The following GABRB1 variants were observed in gnomAD, a reference collection of about 807,000 sequenced individuals.
The protein encoded by GABRB1 is gamma-aminobutyric acid type A receptor subunit beta1.
GABRB1 carries 17 observed loss-of-function variants against 51.6 expected under a neutral mutation model. The ratio of observed to expected loss-of-function variants is 0.33; its 90% CI spans 0.23 to 0.49. The LOEUF (loss-of-function observed/expected upper bound fraction) is 0.49. Ranked by LOEUF, GABRB1 falls within the 20% of genes least tolerant of loss-of-function variation. The probability of loss-of-function intolerance (pLI) is 0.99; values close to 1 mark genes in which losing one functional copy is unlikely to be tolerated. For synonymous variants in GABRB1, 247 were observed against 218.9 expected (o/e 1.13, Z -1.14); for missense variants, 410 against 600.6 (o/e 0.68, Z 3.32).
chr4:47,296,092 A>G (rs1226344513), intron 4 of GABRB1, among the ~76,000 whole-genome samples: 2 of 152,184 alleles, frequency 1.3e-5, no homozygotes, highest in African/African-American at 4.8e-5. Context: ...CTGCCCTAAA[A>G]GAGCTCCTGA....
intron 5 of GABRB1, among the ~76,000 whole-genome samples, chr4:47,354,527 C>T (rs1726480505): frequency 6.6e-6 from 1 of 152,144 alleles, no homozygotes; most frequent in South Asian, 2.1e-4. Context: ...CGGGTGCTCT[C>T]CAGGCCTTCC....
intron 3 of GABRB1, among the ~76,000 whole-genome samples, chr4:47,042,449 G>T (rs1361502692): frequency 7.8e-6 from 1 of 128,218 alleles, no homozygotes; most frequent in African/African-American, 2.7e-5. Flanking sequence ...TAAAATACGT[G>T]TGTGAGTATG....
At chr4:47,306,416 T>G in intron 4 of GABRB1, among the ~76,000 whole-genome samples, 7 of 138,976 alleles carry the variant, frequency 5.0e-5, no homozygotes, top group East Asian at 2.1e-4. Context: ...AGATGGGAGG[T>G]GCAGGGTAGA....
chr4:47,262,006 C>G (rs1410588512), intron 4 of GABRB1, among the ~76,000 whole-genome samples: 1 of 151,124 alleles, frequency 6.6e-6, no homozygotes, highest in Non-Finnish European at 1.5e-5. Context: ...AAAGCTGAAA[C>G]TGGATCCCTT....
intron 3 of GABRB1, among the ~76,000 whole-genome samples, chr4:47,099,151 A>G (rs1315316644): frequency 6.6e-6 from 1 of 152,114 alleles, no homozygotes; most frequent in Non-Finnish European, 1.5e-5. Flanking sequence ...CTATCAAAGA[A>G]CAAACAAAGC....
At chr4:47,013,470 T>C (rs977769253) in intron 1 of GABRB1, among the ~76,000 whole-genome samples, 3 of 152,180 alleles carry the variant, frequency 2.0e-5, no homozygotes, top group Non-Finnish European at 4.4e-5. Context: ...GTGCAGACAA[T>C]TTAATGAACA....
In GABRB1 at chr4:47,270,089, T is replaced by C. The variant is rs1421077283; in HGVS notation, c.462-50038T>C. Among the ~76,000 whole-genome samples the C allele has an allele frequency of 2.0e-5, 3 of 152,148 alleles. No homozygotes were observed. The East Asian group carries it at 5.8e-4, about 29-fold the overall frequency. On this transcript the variant is annotated intron_variant, in intron 4 of 8. Coordinates refer to ENST00000295454, the MANE Select transcript of GABRB1 (RefSeq NM_000812.4). ...AGTTGTTAGTTGTCCAGTTCGCCTT[T>C]GGATTCTTAGACTATTTCTATCTTC...
At chr4:47,398,180 AAGTTATTGTTTT>A (rs1309851868) in intron 5 of GABRB1, among the ~76,000 whole-genome samples, 3 of 152,106 alleles carry the variant, frequency 2.0e-5, no homozygotes, top group Non-Finnish European at 4.4e-5. Context: ...TATATGTTAT[AAGTTATTGTTTT>A]ATATATTAAA....
intron 3 of GABRB1, among the ~76,000 whole-genome samples, chr4:47,060,587 C>T (rs552725912): frequency 6.6e-6 from 1 of 152,266 alleles, no homozygotes; most frequent in East Asian, 1.9e-4. Flanking sequence ...AGGAAATCAA[C>T]TCTTATGACT....
At chr4:47,140,795 C>T (rs1386051651) in intron 3 of GABRB1, among the ~76,000 whole-genome samples, 1 of 149,822 alleles carries the variant, frequency 6.7e-6, no homozygotes, top group Non-Finnish European at 1.5e-5. Flanking sequence ...CCAGAACCAA[C>T]TTAAGCTAGC....
At chr4:47,358,043 C>G (rs558891967) in intron 5 of GABRB1, among the ~76,000 whole-genome samples, 18 of 152,238 alleles carry the variant, frequency 1.2e-4, no homozygotes, top group African/African-American at 4.3e-4. Flanking sequence ...CCCCTTATTT[C>G]CATTTTGCAG....
chr4:47,253,066 G>T (rs560634537), intron 4 of GABRB1, among the ~76,000 whole-genome samples: 1 of 152,306 alleles, frequency 6.6e-6, no homozygotes, highest in African/African-American at 2.4e-5. Flanking sequence ...AAAGAGCAAA[G>T]TGAGGTACAA....
chr4:47,019,628 T>TCTCTCTCTCTC, intron 1 of GABRB1, among the ~76,000 whole-genome samples: 1 of 85,692 alleles, frequency 1.2e-5, no homozygotes, highest in African/African-American at 5.6e-5. Flanking sequence ...TTTCTCTCTC[T>TCTCTCTCTCTC]TTCTTTCTTT....
intron 8 of GABRB1, among the ~76,000 whole-genome samples, chr4:47,409,417 C>T (rs1728685672): frequency 6.6e-6 from 1 of 152,150 alleles, no homozygotes; most frequent in Non-Finnish European, 1.5e-5. Flanking sequence ...AGATAATCTT[C>T]CCCAGGAGTT....
At chr4:47,402,365 T>G (rs145073786) in intron 5 of GABRB1, among the ~76,000 whole-genome samples, 2 of 152,250 alleles carry the variant, frequency 1.3e-5, no homozygotes, top group African/African-American at 4.8e-5. Flanking sequence ...AAAAGATTTT[T>G]TGCTTTTTTA....
intron 4 of GABRB1, among the ~76,000 whole-genome samples, chr4:47,255,496 T>C (rs1722164650): frequency 6.6e-6 from 1 of 152,256 alleles, no homozygotes; most frequent in Non-Finnish European, 1.5e-5. Context: ...TCAATAAATC[T>C]ACAAGCATTT....
chr4:47,232,906 ACT>A lies in GABRB1; in HGVS notation c.461+71440_461+71441del, dbSNP rs1560596097. The stretch of plus-strand genomic sequence containing the variant: ...TTTTTTTTTTTTGAGGCGTAGTCTC[ACT>A]CTGTCACCCAGGCTGGAGTGCAGTG... On this transcript the variant is annotated intron_variant, in intron 4 of 8. Coordinates refer to ENST00000295454, the MANE Select transcript of GABRB1 (RefSeq NM_000812.4). Among the ~76,000 whole-genome samples, 17 of 141,376 alleles carry A rather than the reference ACT, an allele frequency of 1.2e-4. No homozygotes were observed. The South Asian group carries it at 3.8e-3, about 31-fold the overall frequency. 92.7% of individuals were successfully genotyped at this position (141,376 alleles called of 152,430 possible).
intron 1 of GABRB1, among the ~76,000 whole-genome samples, chr4:47,017,660 G>T (rs1254011097): frequency 3.9e-5 from 6 of 151,922 alleles, no homozygotes; most frequent in African/African-American, 1.5e-4. Flanking sequence ...AAGCATGCTG[G>T]CTTCTAGTTT....
intron 4 of GABRB1, among the ~76,000 whole-genome samples, chr4:47,225,340 C>A (rs1437907037): frequency 6.6e-6 from 1 of 152,050 alleles, no homozygotes; most frequent in Non-Finnish European, 1.5e-5. Flanking sequence ...GTAAAGATTT[C>A]ATTTATAACA....
Sources: gnomAD v4.1 joint callset for allele counts (sites outside exome capture counted in the v4.1 genomes callset) on GRCh38, gnomAD v4.1.1 for gene constraint, MANE v1.5 for transcripts, NCBI Gene and HGNC (gene_info 2026-07-23, HGNC 2026-07-21) for gene names.